The following ARHGEF3 variants were observed in gnomAD, a reference collection of about 807,000 sequenced individuals.
ARHGEF3 encodes 59.8 kDA protein.
In ARHGEF3, 28 loss-of-function variants were observed where a neutral mutation model predicts 63.2. The observed-to-expected ratio is 0.44, with a 90% CI of 0.33 to 0.61. ARHGEF3 has a LOEUF of 0.61. Among genes scored for constraint, ARHGEF3 ranks in the 20% least tolerant of loss-of-function variants. The probability of loss-of-function intolerance (pLI) is 0.03; values close to 1 mark genes in which losing one functional copy is unlikely to be tolerated. For missense variants in ARHGEF3, 533 were observed against 659.3 expected (o/e 0.81, Z 2.10); for synonymous variants, 266 against 254.2 (o/e 1.05, Z -0.44).
At chr3:56,968,030 TTAATATATATAAAATATATA>T (rs1453729330) in intron 2 of ARHGEF3, among the ~76,000 whole-genome samples, 1 of 34,258 alleles carries the variant, frequency 2.9e-5, no homozygotes, top group Admixed American at 5.8e-4. Flanking sequence ...ACATATATAT[TTAATATATATAAAATATATA>T]TAATATATAT....
intron 3 of ARHGEF3, among the ~76,000 whole-genome samples, chr3:56,906,938 C>T (rs1234644311): frequency 6.8e-6 from 1 of 147,090 alleles, no homozygotes; most frequent in Non-Finnish European, 1.5e-5. Flanking sequence ...AATGTGGTTA[C>T]TAAGAAACTT....
At chr3:56,783,979 G>A (rs1224066069) in intron 1 of ARHGEF3, among the ~76,000 whole-genome samples, 1 of 152,154 alleles carries the variant, frequency 6.6e-6, no homozygotes, top group Non-Finnish European at 1.5e-5. Context: ...TGGGCAGAGG[G>A]AGAACTGCAC....
intron 4 of ARHGEF3, among the ~76,000 whole-genome samples, chr3:56,808,562 C>T (rs1426634088): frequency 1.3e-5 from 2 of 151,872 alleles, no homozygotes; most frequent in Non-Finnish European, 2.9e-5. Flanking sequence ...TGCACTCCAG[C>T]CTAGGCAACA....
chr3:56,740,752 A>G (rs1293563054), intron 7 of ARHGEF3, among the ~76,000 whole-genome samples: 1 of 152,238 alleles, frequency 6.6e-6, no homozygotes, highest in African/African-American at 2.4e-5. Context: ...CCTCAGCATT[A>G]GTGGCTGTGA....
chr3:56,913,860 C>T (rs1206085783), intron 3 of ARHGEF3, among the ~76,000 whole-genome samples: 2 of 152,128 alleles, frequency 1.3e-5, no homozygotes, highest in Non-Finnish European at 2.9e-5. Flanking sequence ...CAACACAATT[C>T]GCAACTGCAA....
At chr3:56,961,277 T>C (rs1426008528) in intron 2 of ARHGEF3, among the ~76,000 whole-genome samples, 1 of 152,220 alleles carries the variant, frequency 6.6e-6, no homozygotes, top group East Asian at 1.9e-4. Context: ...TAACATTATG[T>C]AATATGATAT....
intron 1 of ARHGEF3, among the ~76,000 whole-genome samples, chr3:57,072,441 A>AT (rs1284303191): frequency 8.3e-6 from 1 of 119,884 alleles, no homozygotes; most frequent in Non-Finnish European, 2.0e-5. Context: ...CAAATAAAGA[A>AT]TTAAAAAAAA....
chr3:56,846,123 A>G (rs796336415), intron 4 of ARHGEF3, among the ~76,000 whole-genome samples: 53 of 152,354 alleles, frequency 3.5e-4, no homozygotes, highest in African/African-American at 1.3e-3. Flanking sequence ...GTTATAGAGT[A>G]ATGTTTAACA....
chr3:56,735,756 C>T (rs1242968272), intron 8 of ARHGEF3, among the ~76,000 whole-genome samples: 1 of 152,150 alleles, frequency 6.6e-6, no homozygotes. Context: ...CCCACAGACA[C>T]ACGTCTTCAA....
At chr3:56,967,888 A>G (rs1180217859) in intron 2 of ARHGEF3, among the ~76,000 whole-genome samples, 1 of 77,022 alleles carries the variant, frequency 1.3e-5, no homozygotes, top group African/African-American at 5.2e-5. Context: ...ATATAAATAT[A>G]TAATATATAA....
chr3:57,013,965 C>G (rs145751344), intron 2 of ARHGEF3, among the ~76,000 whole-genome samples: 7 of 152,318 alleles, frequency 4.6e-5, no homozygotes, highest in African/African-American at 1.7e-4. Flanking sequence ...AGTTTTGTTC[C>G]TCTGCTCTTT....
upstream of ARHGEF3, among the ~76,000 whole-genome samples, chr3:56,804,403 C>A (rs2037790360): frequency 6.6e-6 from 1 of 152,188 alleles, no homozygotes; most frequent in Non-Finnish European, 1.5e-5. Context: ...GCAGTTCCTA[C>A]TTCTCAGGCA....
intron 7 of ARHGEF3, among the ~76,000 whole-genome samples, chr3:56,741,778 C>T (rs1304039541): frequency 6.6e-6 from 1 of 152,206 alleles, no homozygotes; most frequent in Non-Finnish European, 1.5e-5. Flanking sequence ...GCTGGGATTA[C>T]AGGCGTGAGC....
chr3:56,753,537 T>G lies in ARHGEF3; in HGVS notation c.405A>C (p.Glu135Asp), dbSNP rs543811342. 1.1e-5 allele frequency: 17 copies of G among 1,613,956 alleles called. No homozygotes were observed. The highest frequency in any genetic ancestry group is 1.7e-4 in the Middle Eastern group (1 of 6,006). ...EAIFELSQGE[E>D]DLIEDLKLAK... ...CTAATTTCAAGTCTTCTATCAAGTC[T>G]TCTTCTCCTTGGGAAAGCTCAAAGA... The change falls in exon 4 of 10, where the codon GAA (glutamate) becomes GAC (aspartate). Residue 135 changes from glutamate (E) to aspartate (D), a missense_variant. By Grantham distance (45) the Glu-to-Asp change is conservative (BLOSUM62 2). Transcript: ENST00000296315.
chr3:56,879,993 A>T (rs2040712653), intron 4 of ARHGEF3, among the ~76,000 whole-genome samples: 1 of 152,190 alleles, frequency 6.6e-6, no homozygotes, highest in South Asian at 2.1e-4. Context: ...CCACATCTAG[A>T]TCTGTCACAC....
chr3:56,842,570 G>A (rs907957641), intron 4 of ARHGEF3, among the ~76,000 whole-genome samples: 11 of 152,118 alleles, frequency 7.2e-5, no homozygotes, highest in African/African-American at 2.7e-4. Context: ...GTTTCTTCTG[G>A]TACCCTTCTC....
At chr3:57,020,478 G>A (rs1278106575) in intron 2 of ARHGEF3, among the ~76,000 whole-genome samples, 3 of 152,194 alleles carry the variant, frequency 2.0e-5, no homozygotes, top group Non-Finnish European at 4.4e-5. Flanking sequence ...GGGTTCAGAT[G>A]AGGCTGACTC....
At chr3:56,748,762 G>A (rs918776076) in intron 6 of ARHGEF3, among the ~76,000 whole-genome samples, 4 of 151,996 alleles carry the variant, frequency 2.6e-5, no homozygotes, top group African/African-American at 9.7e-5. Context: ...ATTAGGGAGC[G>A]GGGACACTGA....
At chr3:57,067,371 C>T (rs757270846) in intron 1 of ARHGEF3, among the ~76,000 whole-genome samples, 3 of 151,418 alleles carry the variant, frequency 2.0e-5, no homozygotes, top group African/African-American at 4.9e-5. Flanking sequence ...GGGAGAATGG[C>T]GTGAACCCAG....
Sources: gnomAD v4.1 joint callset for allele counts (sites outside exome capture counted in the v4.1 genomes callset) on GRCh38, gnomAD v4.1.1 for gene constraint, MANE v1.5 for transcripts, NCBI Gene and HGNC (gene_info 2026-07-23, HGNC 2026-07-21) for gene names.